The following PHIP variants were observed in gnomAD, a reference collection of about 807,000 sequenced individuals.
The protein encoded by PHIP is PH-interacting protein.
PHIP carries 54 observed loss-of-function variants against 236.8 expected under a neutral mutation model. The ratio of observed to expected loss-of-function variants is 0.23; its 90% confidence interval spans 0.18 to 0.29. The LOEUF (loss-of-function observed/expected upper bound fraction) is 0.29, where lower values mean the gene tolerates loss of function less well. Ranked by LOEUF, PHIP falls within the 10% of genes least tolerant of loss-of-function variation. The pLI, the probability that PHIP is intolerant of heterozygous loss-of-function variation, is 1.00. For missense variants in PHIP, 1,370 were observed against 2,190.8 expected (o/e 0.63, Z 7.48); for synonymous variants, 756 against 718.9 (o/e 1.05, Z -0.83).
chr6:78,942,165 T>C (rs958808114), intron 39 of PHIP, among the ~76,000 whole-genome samples: 1 of 152,122 alleles, frequency 6.6e-6, no homozygotes, highest in Non-Finnish European at 1.5e-5. Flanking sequence ...TGGTCACAGG[T>C]TGGAACTGTA....
intron 10 of PHIP, among the ~76,000 whole-genome samples, chr6:79,018,629 T>C (rs1425899719): frequency 2.0e-5 from 3 of 151,998 alleles, no homozygotes; most frequent in African/African-American, 7.2e-5. Context: ...TTAGCACTGC[T>C]ATACAATCAC....
rs370887008 is a variant in PHIP at position 78,970,819 on chromosome 6, T to C, written c.2959A>G (p.Asn987Asp). 3.7e-6 allele frequency: 6 copies of C among 1,611,512 alleles called. No homozygotes were observed. Among genetic ancestry groups the C allele is most frequent in the Non-Finnish European group, 5.1e-6 (6 of 1,178,882 alleles). Residue 987 changes from asparagine (N) to aspartate (D), a missense_variant, in exon 25 of 40, where the codon AAT becomes GAT. Physicochemically the swap from Asn to Asp is conservative, Grantham distance 23. Coordinates refer to ENST00000275034, the MANE Select transcript of PHIP (RefSeq NM_017934.7). The stretch of plus-strand genomic sequence containing the variant: ...TTATGCCATGGTTGTTTTTTGGGAT[T>C]GATACTATATATTTTATTTTTCCGG... The part of the protein sequence containing the change: ...MARKNKIYSI[N>D]PKKQPWHKME...
chr6:78,947,827 C>T (rs1773910609), intron 35 of PHIP, 52 bp from the exon 36 acceptor site: 5 of 1,292,434 alleles, frequency 3.9e-6, no homozygotes, highest in African/African-American at 1.5e-5. Context: ...CAAAGCATCA[C>T]TTCTCAGTGC....
intron 7 of PHIP, among the ~76,000 whole-genome samples, chr6:79,034,363 C>T (rs7751422): frequency 0.094 from 14,356 of 152,120 alleles, 786 homozygotes; most frequent in Middle Eastern, 0.14. Flanking sequence ...GTCTTTATGA[C>T]GTGGCTTTCT....
At position 79,034,122 on chromosome 6, in the gene PHIP, G is replaced by A. The variant is rs543435533; in HGVS notation, c.601-7958C>T. On this transcript the variant is annotated intron_variant, in intron 7 of 39. Transcript: ENST00000275034. ...AGCTTGAAATATTGTGAGAAGTATC[G>A]AAATGTGAAAGAGACAAGACTTGAG... Among the ~76,000 whole-genome samples, 13 of 152,236 alleles carry A rather than the reference G, an allele frequency of 8.5e-5. No homozygotes were observed. The South Asian group carries it at 1.9e-3, about 22-fold the overall frequency.
intron 27 of PHIP, 56 bp from the exon 28 acceptor site, chr6:78,966,112 C>T: frequency 9.2e-7 from 1 of 1,087,380 alleles, no homozygotes; most frequent in Non-Finnish European, 1.4e-6. Flanking sequence ...GCTGTCACTG[C>T]TTTTTCCTAA....
intron 7 of PHIP, among the ~76,000 whole-genome samples, chr6:79,029,913 T>C (rs912067948): frequency 2.6e-5 from 4 of 152,166 alleles, no homozygotes; most frequent in Non-Finnish European, 5.9e-5. Flanking sequence ...ACGGATACAC[T>C]CTCTTTTCCA....
intron 9 of PHIP, among the ~76,000 whole-genome samples, chr6:79,020,551 A>T (rs953361544): frequency 6.6e-6 from 1 of 152,150 alleles, no homozygotes; most frequent in Non-Finnish European, 1.5e-5. Flanking sequence ...GATTTTTTTT[A>T]ATTTTTGGTA....
Position 78,945,144 on chromosome 6 carries a change from CA to C in PHIP, c.4828+155del, listed in dbSNP as rs1383308203. 1.2e-4 allele frequency among the ~76,000 whole-genome samples: 18 copies of C among 150,828 alleles called. No homozygotes were observed. The East Asian group carries it at 2.1e-3, about 18-fold the overall frequency. ...TGTTTACCAGGATGGAGTGCAGTGG[CA>C]CAATAATAGCTCATTGCAGTAAATT... On this transcript the variant is annotated intron_variant, in intron 39 of 39. Coordinates refer to ENST00000275034, the MANE Select transcript of PHIP (RefSeq NM_017934.7).
intron 7 of PHIP, among the ~76,000 whole-genome samples, chr6:79,037,974 A>G (rs1425874436): frequency 6.6e-6 from 1 of 152,230 alleles, no homozygotes; most frequent in Non-Finnish European, 1.5e-5. Context: ...TTAGAAGCAC[A>G]AAGTTAAGCG....
At position 79,078,130 on chromosome 6, in the gene PHIP, G is replaced by A. The variant is rs1297979597; in HGVS notation, c.-62C>T. ...CCGCCGCCGAGGGGAAGCGGGGACGGTGCCGCCGCCTGCCCTATAGCTGTC... is the reference window on the plus strand; with the variant it reads ...CCGCCGCCGAGGGGAAGCGGGGACGATGCCGCCGCCTGCCCTATAGCTGTC... On this transcript the variant is annotated 5_prime_UTR_variant, in exon 1 of 40. Coordinates refer to ENST00000275034, the MANE Select transcript of PHIP (RefSeq NM_017934.7). 4.5e-6 allele frequency: 7 copies of A among 1,552,966 alleles called. No homozygotes were observed. Among genetic ancestry groups the A allele is most frequent in the Middle Eastern group, 2.3e-4 (1 of 4,346 alleles).
intron 7 of PHIP, among the ~76,000 whole-genome samples, chr6:79,028,561 A>G (rs573948041): frequency 2.0e-5 from 3 of 152,310 alleles, no homozygotes; most frequent in Admixed American, 2.0e-4. Context: ...TCGGAAACAC[A>G]TTAGGGATTT....
Position 78,935,620 on chromosome 6 carries a change from TAA to T in PHIP, c.*5071_*5072del, listed in dbSNP as rs1773248933. 4.1e-6 allele frequency: 4 copies of T among 981,486 alleles called. No individual in the cohort carries two copies. Among genetic ancestry groups the T allele is most frequent in the Non-Finnish European group, 4.8e-6 (4 of 826,286 alleles). 60.8% of individuals were successfully genotyped at this position (981,486 alleles called of 1,614,324 possible). A position where few individuals can be genotyped will look rare whatever the true frequency, so the allele number is the denominator to read the frequency against. The stretch of plus-strand genomic sequence containing the variant: ...TTAAATGTACACATAAAAAGGCATA[TAA>T]GTTTTTGACCTTCAGTTGTTTTGGA... On this transcript the variant is annotated 3_prime_UTR_variant, in exon 40 of 40. Transcript: ENST00000275034.
intron 21 of PHIP, among the ~76,000 whole-genome samples, chr6:78,987,969 A>T (rs1344020323): frequency 2.0e-5 from 3 of 152,172 alleles, no homozygotes; most frequent in African/African-American, 7.2e-5. Flanking sequence ...TGAGCCTCAG[A>T]ATCCTTATCT....
At position 78,941,727 on chromosome 6, in the gene PHIP, T is replaced by C. The variant is rs115617795; in HGVS notation, c.4829-397A>G. Among the ~76,000 whole-genome samples the C allele has an allele frequency of 4.8e-3, 735 of 152,276 alleles. 7 individuals are homozygous for C. The highest frequency in any genetic ancestry group is 0.017 in the African/African-American group (700 of 41,568). On this transcript the variant is annotated intron_variant, in intron 39 of 39. Coordinates refer to ENST00000275034, the MANE Select transcript of PHIP (RefSeq NM_017934.7). ...CAACTAAATGGCAGTTTTCACAGGC[T>C]TTGAAAAGTCCTATCTCCTTGTGTA...
chr6:79,027,193 C>A lies in PHIP; in HGVS notation c.601-1029G>T, dbSNP rs185775338. Among the ~76,000 whole-genome samples the A allele has an allele frequency of 4.4e-3, 671 of 152,210 alleles. 5 individuals are homozygous for A. The highest frequency in any genetic ancestry group is 0.011 in the South Asian group (54 of 4,826). On this transcript the variant is annotated intron_variant, in intron 7 of 39. Transcript: ENST00000275034. ...TATAACATATAAATCATCATACTGA[C>A]AATAAATATAACATATTAATGTTTC...
At chr6:79,008,660 CT>C (rs1770424024) in intron 15 of PHIP, among the ~76,000 whole-genome samples, 1 of 152,134 alleles carries the variant, frequency 6.6e-6, no homozygotes, top group African/African-American at 2.4e-5. Flanking sequence ...GCCTTCTGCA[CT>C]TCCTTCTCCT....
At chr6:78,965,788 AT>A in intron 28 of PHIP, 24 bp from the exon 29 acceptor site, 1 of 1,387,336 alleles carries the variant, frequency 7.2e-7, no homozygotes, top group Non-Finnish European at 1.0e-6. Flanking sequence ...AAATCATTAT[AT>A]TAAAAAATCT....
intron 31 of PHIP, among the ~76,000 whole-genome samples, chr6:78,959,474 G>A (rs895021722): frequency 2.0e-5 from 3 of 152,000 alleles, no homozygotes; most frequent in Non-Finnish European, 4.4e-5. Context: ...AATACCAGCA[G>A]GGCAAACTGA....
Sources: allele counts gnomAD v4.1 joint callset (sites outside exome capture counted in the v4.1 genomes callset), GRCh38; gene constraint gnomAD v4.1.1; transcripts MANE v1.5; gene names NCBI Gene and HGNC (gene_info 2026-07-23, HGNC 2026-07-21).